GRHL2: variants seen among roughly 807,000 people sequenced by gnomAD.
GRHL2 encodes grainyhead-like protein 2 homolog.
A neutral mutation model predicts 83.8 loss-of-function variants in GRHL2; 21 were observed. The ratio of observed to expected loss-of-function variants is 0.25; its 90% CI spans 0.18 to 0.36. GRHL2 has a LOEUF of 0.36. Ranked by LOEUF, GRHL2 falls within the 10% of genes least tolerant of loss-of-function variation. The pLI is 1.00. For missense variants in GRHL2, 623 were observed against 781.8 expected, an observed-to-expected ratio of 0.80 and a Z score of 2.42; for synonymous variants, 280 against 278.9, an observed-to-expected ratio of 1.00 and a Z score of -0.04.
the GRHL2 span, among the ~76,000 whole-genome samples, chr8:101,677,095 G>A: frequency 2.6e-5 from 4 of 151,960 alleles, no homozygotes; most frequent in African/African-American, 9.7e-5. Flanking sequence ...ATAGCATTAG[G>A]AAATATACCT....
At chr8:101,639,418 C>T (rs1663887849) in intron 12 of GRHL2, among the ~76,000 whole-genome samples, 1 of 152,190 alleles carries the variant, frequency 6.6e-6, no homozygotes, top group Non-Finnish European at 1.5e-5. Flanking sequence ...TCATTGAATT[C>T]CCCCAGATTT....
chr8:101,675,444 G>C, the GRHL2 span, among the ~76,000 whole-genome samples: 3 of 152,076 alleles, frequency 2.0e-5, no homozygotes, highest in African/African-American at 7.2e-5. Context: ...AATCATGAGT[G>C]AACTCCCATT....
chr8:101,678,276 G>A, the GRHL2 span, among the ~76,000 whole-genome samples: 13 of 152,298 alleles, frequency 8.5e-5, no homozygotes, highest in East Asian at 9.6e-4. Context: ...CTTGGGAAGC[G>A]CAAGGGGTCA....
chr8:101,679,714 A>T, the GRHL2 span, among the ~76,000 whole-genome samples: 1 of 151,482 alleles, frequency 6.6e-6, no homozygotes, highest in South Asian at 2.1e-4. Flanking sequence ...CCATCAGACT[A>T]ACAGCTGATC....
intron 14 of GRHL2, among the ~76,000 whole-genome samples, chr8:101,652,617 T>TGTGGG (rs1474951964): frequency 7.6e-6 from 1 of 130,888 alleles, no homozygotes; most frequent in African/African-American, 3.1e-5. Flanking sequence ...GTGTGTGGTG[T>TGTGGG]GTGTGTGTGT....
intron 14 of GRHL2, among the ~76,000 whole-genome samples, chr8:101,651,523 C>T (rs1281680229): frequency 3.3e-5 from 5 of 152,176 alleles, no homozygotes; most frequent in African/African-American, 9.7e-5. Context: ...TTTTCTTTAC[C>T]TTCCATGGCA....
At chr8:101,605,977 A>G (rs1411345350) in intron 8 of GRHL2, among the ~76,000 whole-genome samples, 7 of 152,130 alleles carry the variant, frequency 4.6e-5, no homozygotes, top group Non-Finnish European at 1.0e-4. Flanking sequence ...TTTCTTTAGT[A>G]TATTTTTTCT....
chr8:101,556,279 A>G (rs1434480863), intron 3 of GRHL2, among the ~76,000 whole-genome samples: 1 of 152,108 alleles, frequency 6.6e-6, no homozygotes, highest in Non-Finnish European at 1.5e-5. Context: ...ATTTTAAGAG[A>G]ATAGCCCTCA....
intron 4 of GRHL2, among the ~76,000 whole-genome samples, chr8:101,567,772 C>G (rs1170510662): frequency 6.6e-6 from 1 of 152,086 alleles, no homozygotes; most frequent in African/African-American, 2.4e-5. Flanking sequence ...AGTATCATAC[C>G]TTCTCATGCC....
chr8:101,504,256 G>A (rs1197213794), intron 1 of GRHL2, among the ~76,000 whole-genome samples: 3 of 152,172 alleles, frequency 2.0e-5, no homozygotes, highest in African/African-American at 7.2e-5. Context: ...TTAGTGACCT[G>A]TAGATTCATT....
chr8:101,671,884 T>TCCGCTGTTCTACAGCCTC (rs1227750096), downstream of GRHL2, among the ~76,000 whole-genome samples: 1 of 152,086 alleles, frequency 6.6e-6, no homozygotes, highest in Non-Finnish European at 1.5e-5. Flanking sequence ...TTCACCAATA[T>TCCGCTGTTCTACAGCCTC]CGACTGTTCT....
chr8:101,626,155 A>C (rs1480418273), intron 9 of GRHL2, among the ~76,000 whole-genome samples: 1 of 152,062 alleles, frequency 6.6e-6, no homozygotes, highest in Non-Finnish European at 1.5e-5. Context: ...CAGGCAAAAG[A>C]GTTGAGGGCT....
rs1813578024 is a variant in GRHL2 at position 101,649,469 on chromosome 8, G to A, written c.1668G>A (p.Lys556=). ...ATGTGTTCGATGCATTGATGTTGAA[G>A]TCTCCCACAGTGAAGGGCCTGATGG... ...TDDVFDALML[K]SPTVKGLMEA... The change falls in exon 14 of 16, where the codon AAG becomes AAA. Residue 556 remains lysine, a synonymous_variant. Coordinates refer to ENST00000646743, the MANE Select transcript of GRHL2 (RefSeq NM_024915.4). The A allele has an allele frequency of 5.6e-6, 9 of 1,613,872 alleles. No individual in the cohort carries two copies. Among genetic ancestry groups the A allele is most frequent in the Non-Finnish European group, 6.8e-6 (8 of 1,179,936 alleles).
chr8:101,493,972 C>T (rs938513953), intron 1 of GRHL2, among the ~76,000 whole-genome samples: 6 of 152,084 alleles, frequency 3.9e-5, no homozygotes, highest in African/African-American at 1.4e-4. Context: ...CGGCCTTTCT[C>T]GGGATTCGGC....
chr8:101,542,712 TGGA>T (rs1395974965), intron 1 of GRHL2: 1 of 456,222 alleles, frequency 2.2e-6, no homozygotes, highest in African/African-American at 2.0e-5. Flanking sequence ...CTCACAATTC[TGGA>T]GGCCCAGAAG....
At chr8:101,492,965 G>T (rs973888391) in intron 1 of GRHL2, 176 bp downstream of exon 1, 4 of 679,292 alleles carry the variant, frequency 5.9e-6, no homozygotes, top group Non-Finnish European at 1.1e-5. Context: ...ATTAAGGGGA[G>T]AAACCCTACA....
chr8:101,580,131 G>A (rs944242708), intron 7 of GRHL2, among the ~76,000 whole-genome samples: 5 of 152,244 alleles, frequency 3.3e-5, no homozygotes, highest in Non-Finnish European at 5.9e-5. Context: ...GTTAGAGACC[G>A]AGATGAGGGC....
chr8:101,647,495 T>G (rs1171220442), intron 13 of GRHL2, among the ~76,000 whole-genome samples: 1 of 152,212 alleles, frequency 6.6e-6, no homozygotes, highest in Admixed American at 6.5e-5. Flanking sequence ...ACTTTAATTT[T>G]CCTTATCTGG....
At chr8:101,538,927 C>T (rs572693156) in intron 1 of GRHL2, among the ~76,000 whole-genome samples, 68 of 152,306 alleles carry the variant, frequency 4.5e-4, no homozygotes, top group African/African-American at 1.4e-3. Flanking sequence ...GTTGTGATTT[C>T]CCAAAATACT....
Sources: gnomAD v4.1 joint callset for allele counts (sites outside exome capture counted in the v4.1 genomes callset) on GRCh38, gnomAD v4.1.1 for gene constraint, MANE v1.5 for transcripts, NCBI Gene and HGNC (gene_info 2026-07-23, HGNC 2026-07-21) for gene names.